The following CSMD1 variants were observed in gnomAD, a reference collection of about 807,000 sequenced individuals.
CSMD1 encodes CUB and Sushi multiple domains 1, also known as CUB and sushi domain-containing protein 1.
In CSMD1, 213 loss-of-function variants were observed where a neutral mutation model predicts 417.5. That is an observed-to-expected ratio of 0.51 (90% CI 0.46 to 0.57). CSMD1 has a LOEUF of 0.57. Ranked by LOEUF, CSMD1 falls within the 20% of genes least tolerant of loss-of-function variation. The pLI is 0.00. For missense variants in CSMD1, 6,923 were observed against 4,529.7 expected (o/e 1.53, Z -15.17); for synonymous variants, 2,862 against 1,736.8 (o/e 1.65, Z -16.11).
intron 2 of CSMD1, among the ~76,000 whole-genome samples, chr8:4,540,144 G>A (rs1156442716): frequency 1.3e-5 from 2 of 152,202 alleles, no homozygotes; most frequent in African/African-American, 2.4e-5. Flanking sequence ...TGGTTGGCGT[G>A]CAATGTAAAG....
chr8:4,500,743 G>C (rs1453610567), intron 2 of CSMD1, among the ~76,000 whole-genome samples: 1 of 152,086 alleles, frequency 6.6e-6, no homozygotes, highest in Non-Finnish European at 1.5e-5. Context: ...CTTTTGGCCA[G>C]TTTCTGAATG....
intron 49 of CSMD1, among the ~76,000 whole-genome samples, chr8:3,053,971 C>T (rs868651518): frequency 4.6e-5 from 7 of 152,090 alleles, no homozygotes; most frequent in South Asian, 2.1e-4. Context: ...CAAGATAGAG[C>T]GGGAAGGGCT....
chr8:3,408,648 G>C (rs561632514), intron 13 of CSMD1, among the ~76,000 whole-genome samples: 69 of 152,066 alleles, frequency 4.5e-4, no homozygotes, highest in Non-Finnish European at 8.4e-4. Context: ...TCCTGTGAGT[G>C]CATTTTCTCC....
intron 28 of CSMD1, among the ~76,000 whole-genome samples, chr8:3,220,517 C>G (rs1404396320): frequency 1.3e-5 from 2 of 152,122 alleles, no homozygotes; most frequent in Admixed American, 1.3e-4. Flanking sequence ...CCAGAATAAA[C>G]TGATAAAGTA....
At chr8:4,281,382 G>A (rs1281817735) in intron 3 of CSMD1, among the ~76,000 whole-genome samples, 4 of 152,014 alleles carry the variant, frequency 2.6e-5, no homozygotes, top group Non-Finnish European at 4.4e-5. Context: ...TAAACCAGTG[G>A]TTTTTCACCA....
At chr8:4,610,747 C>A (rs562289803) in intron 2 of CSMD1, among the ~76,000 whole-genome samples, 1 of 152,252 alleles carries the variant, frequency 6.6e-6, no homozygotes, top group Non-Finnish European at 1.5e-5. Flanking sequence ...GACTACACTG[C>A]CAATTATATG....
intron 3 of CSMD1, among the ~76,000 whole-genome samples, chr8:4,142,232 T>A (rs1490342095): frequency 6.6e-6 from 1 of 151,184 alleles, no homozygotes; most frequent in Non-Finnish European, 1.5e-5. Flanking sequence ...ATTATAGTGA[T>A]ACTTAATTTA....
At chr8:3,785,696 G>A (rs1326764455) in intron 5 of CSMD1, among the ~76,000 whole-genome samples, 4 of 152,168 alleles carry the variant, frequency 2.6e-5, no homozygotes, top group Admixed American at 2.0e-4. Flanking sequence ...GTGCATGGAG[G>A]AGCCACGTGC....
chr8:4,017,252 G>A (rs113132268), intron 4 of CSMD1, among the ~76,000 whole-genome samples: 7 of 152,054 alleles, frequency 4.6e-5, no homozygotes, highest in East Asian at 1.9e-4. Context: ...CACAATTCAA[G>A]GCTATGCAAT....
chr8:3,798,415 G>C (rs954375823), intron 5 of CSMD1, among the ~76,000 whole-genome samples: 4 of 151,934 alleles, frequency 2.6e-5, no homozygotes, highest in Admixed American at 6.6e-5. Flanking sequence ...GTGAGTGTGA[G>C]GTAAGAGTGC....
intron 10 of CSMD1, among the ~76,000 whole-genome samples, chr8:3,498,602 C>T (rs1796464084): frequency 6.6e-6 from 1 of 152,172 alleles, no homozygotes; most frequent in Non-Finnish European, 1.5e-5. Flanking sequence ...CTACACCTTT[C>T]TGATCTCTTC....
At chr8:4,735,113 G>C (rs1197987927) in intron 1 of CSMD1, among the ~76,000 whole-genome samples, 1 of 152,180 alleles carries the variant, frequency 6.6e-6, no homozygotes, top group Non-Finnish European at 1.5e-5. Flanking sequence ...AAGAGCAAAA[G>C]GTATTTTGGA....
In CSMD1 at chr8:3,298,389, A is replaced by G. The variant is rs1804128293; in HGVS notation, c.3950+9306T>C. ...AAATAAATTATATCAGGAAATATCT[A>G]ACGGTATCAATGGGTGTGAAGATTG... On this transcript the variant is annotated intron_variant, in intron 25 of 69. Transcript: ENST00000635120. 2.6e-5 allele frequency among the ~76,000 whole-genome samples: 4 copies of G among 152,206 alleles called. No individual in the cohort carries two copies. The South Asian group carries it at 8.3e-4, about 31-fold the overall frequency.
At chr8:3,094,910 ACC>A (rs1815194129) in intron 47 of CSMD1, among the ~76,000 whole-genome samples, 1 of 152,020 alleles carries the variant, frequency 6.6e-6, no homozygotes, top group Non-Finnish European at 1.5e-5. Context: ...TAAAACTCTG[ACC>A]TTTCACTTTG....
intron 26 of CSMD1, among the ~76,000 whole-genome samples, chr8:3,275,235 T>G (rs1585889347): frequency 6.6e-6 from 1 of 152,188 alleles, no homozygotes; most frequent in African/African-American, 2.4e-5. Flanking sequence ...ATTCTTTTCT[T>G]TAAGAATGTT....
intron 23 of CSMD1, among the ~76,000 whole-genome samples, chr8:3,332,454 G>T (rs1002855342): frequency 1.3e-5 from 2 of 152,228 alleles, no homozygotes; most frequent in African/African-American, 2.4e-5. Flanking sequence ...AACCGGAGCT[G>T]CAGTGAGGCT....
intron 2 of CSMD1, among the ~76,000 whole-genome samples, chr8:4,508,618 T>C (rs1802656573): frequency 6.6e-6 from 1 of 152,068 alleles, no homozygotes; most frequent in South Asian, 2.1e-4. Context: ...GTCAGGAGAT[T>C]GGAAGATGTT....
intron 1 of CSMD1, among the ~76,000 whole-genome samples, chr8:4,730,111 C>T (rs955073861): frequency 6.6e-6 from 1 of 152,122 alleles, no homozygotes; most frequent in African/African-American, 2.4e-5. Context: ...TTCGTCTCCG[C>T]ACTTAGAAGC....
chr8:4,960,345 A>G (rs1023178915), intron 1 of CSMD1, among the ~76,000 whole-genome samples: 1 of 152,166 alleles, frequency 6.6e-6, no homozygotes, highest in Admixed American at 6.5e-5. Flanking sequence ...TCTTACTTAG[A>G]AGAGAATAAG....
Sources: gnomAD v4.1 joint callset for allele counts (sites outside exome capture counted in the v4.1 genomes callset) on GRCh38, gnomAD v4.1.1 for gene constraint, MANE v1.5 for transcripts, NCBI Gene and HGNC (gene_info 2026-07-23, HGNC 2026-07-21) for gene names.